Variants in TRIM11 observed in about 807,000 individuals in gnomAD.
TRIM11 encodes tripartite motif containing 11.
TRIM11 carries 15 observed loss-of-function variants against 33.4 expected under a neutral mutation model. That is an observed-to-expected ratio of 0.45 (90% confidence interval 0.30 to 0.69). The LOEUF (loss-of-function observed/expected upper bound fraction) is 0.69. Ranked by LOEUF, TRIM11 falls within the 30% of genes least tolerant of loss-of-function variation. TRIM11 has a pLI of 0.08. For synonymous variants in TRIM11, 281 were observed against 302.6 expected (o/e 0.93, Z 0.74); for missense variants, 499 against 667.6 (o/e 0.75, Z 2.78).
chr1:228,402,785 G>A (rs1656279764), intron 1 of TRIM11: 1 of 152,244 alleles, frequency 6.6e-6, no homozygotes, highest in Non-Finnish European at 1.5e-5. Context: ...ACAGTGAGAG[G>A]GTGTTGTCTG....
rs751090096 is a variant in TRIM11 at position 228,397,147 on chromosome 1, G to A, written c.754C>T (p.Arg252Cys). Residue 252 changes from arginine to cysteine, a missense_variant, in exon 4 of 6, where the codon CGC (arginine) becomes TGC (cysteine). Physicochemically the swap from Arg to Cys is radical, Grantham distance 180 (BLOSUM62 -3). Coordinates refer to ENST00000284551, the MANE Select transcript of TRIM11 (RefSeq NM_145214.3). Reference protein sequence around the residue: ...GLLQDIKDALRRVQDVKLQPP... With the variant: ...GLLQDIKDALCRVQDVKLQPP... ...CAGGAGAGGCTGGGTTCGTACCTGC[G>A]CAGGGCGTCCTTGATGTCCTATGTG... 14 of 1,613,530 alleles carry A rather than the reference G, an allele frequency of 8.7e-6. No individual in the cohort carries two copies. Among genetic ancestry groups the A allele is most frequent in the South Asian group, 3.3e-5 (3 of 91,064 alleles).
chr1:228,399,891 C>CAAAAAAAAA (rs58986540), intron 3 of TRIM11, among the ~76,000 whole-genome samples: 1 of 92,754 alleles, frequency 1.1e-5, no homozygotes, highest in Non-Finnish European at 2.4e-5. Flanking sequence ...AAAAAAAAAA[C>CAAAAAAAAA]AAAAAAAAAA....
At chr1:228,404,937 G>A (rs1344028926) in intron 1 of TRIM11, 3 of 152,160 alleles carry the variant, frequency 2.0e-5, no homozygotes, top group Non-Finnish European at 4.4e-5. Flanking sequence ...TCTTGTGCCA[G>A]TTTAATTTGC....
intron 1 of TRIM11, chr1:228,405,517 C>G (rs1170904994): frequency 6.6e-6 from 1 of 152,220 alleles, no homozygotes; most frequent in African/African-American, 2.4e-5. Context: ...CCCTTCAGCT[C>G]GGGTTTTATT....
chr1:228,401,572 C>T lies in TRIM11; in HGVS notation c.505-378G>A, dbSNP rs1000186223. Among the ~76,000 whole-genome samples, 4 of 152,098 alleles carry T rather than the reference C, an allele frequency of 2.6e-5. No individual in the cohort carries two copies. The highest frequency in any genetic ancestry group is 1.3e-4 in the Admixed American group (2 of 15,280). On this transcript the variant is annotated intron_variant, in intron 2 of 5. Transcript: ENST00000284551. The surrounding 1 kb of genome is among the most constrained non-coding windows in gnomAD (Gnocchi z 6.1). ...GCTTGGTAGAACCCTGCATCTACCA[C>T]CTGGGGCCAGCTGGACTACAAATCT...
chr1:228,396,043 A>G (rs2074984185), intron 5 of TRIM11: 1 of 152,774 alleles, frequency 6.5e-6, no homozygotes, highest in South Asian at 2.1e-4. Context: ...CCTGGCGCAG[A>G]GCTCACAGAA....
At position 228,400,857 on chromosome 1, in the gene TRIM11, C is replaced by T; in HGVS notation, c.735+107G>A. On this transcript the variant is annotated intron_variant, in intron 3 of 5. Coordinates refer to ENST00000284551, the MANE Select transcript of TRIM11 (RefSeq NM_145214.3). The surrounding 1 kb of genome is among the most constrained non-coding windows in gnomAD (Gnocchi z 4.5). The stretch of plus-strand genomic sequence containing the variant: ...CCAGCCATGCCATTCACCTCTCAGC[C>T]CAGACAACCTCTCTGCCCCTGCTTC... 1 of 1,427,008 alleles carries T rather than the reference C, an allele frequency of 7.0e-7. No individual in the cohort carries two copies. Among genetic ancestry groups the T allele is most frequent in the Non-Finnish European group, 9.1e-7 (1 of 1,094,084 alleles). 88.4% of individuals were successfully genotyped at this position (1,427,008 alleles called of 1,614,324 possible). A position where few individuals can be genotyped will look rare whatever the true frequency, so the allele number is the denominator to read the frequency against.
Position 228,403,215 on chromosome 1 carries a change from C to A in TRIM11, c.409-1054G>T. On this transcript the variant is annotated intron_variant, in intron 1 of 5. Coordinates refer to ENST00000284551, the MANE Select transcript of TRIM11 (RefSeq NM_145214.3). The surrounding 1 kb of genome is among the most constrained non-coding windows in gnomAD (Gnocchi z 4.8). ...CTTCCACCCCATCTGACACCCTTAT[C>A]AGCAACGGGCCCTGTGCTGGCCACA... 1 of 152,456 alleles carries A rather than the reference C, an allele frequency of 6.6e-6. No individual in the cohort carries two copies. Among genetic ancestry groups the A allele is most frequent in the Non-Finnish European group, 1.5e-5 (1 of 68,138 alleles). 9.4% of individuals were successfully genotyped at this position (152,456 alleles called of 1,614,324 possible). A position where few individuals can be genotyped will look rare whatever the true frequency, so the allele number is the denominator to read the frequency against.
rs1656402466 is a variant in TRIM11, at chr1:228,406,047, CAG to C, written c.408+105_408+106del. 2 of 1,252,042 alleles carry C rather than the reference CAG, an allele frequency of 1.6e-6. No homozygotes were observed. The highest frequency in any genetic ancestry group is 2.0e-6 in the Non-Finnish European group (2 of 977,542). 77.6% of individuals were successfully genotyped at this position (1,252,042 alleles called of 1,614,324 possible). A position where few individuals can be genotyped will look rare whatever the true frequency, so the allele number is the denominator to read the frequency against. On this transcript the variant is annotated intron_variant, in intron 1 of 5. Coordinates refer to ENST00000284551, the MANE Select transcript of TRIM11 (RefSeq NM_145214.3). The surrounding 1 kb of genome is among the most constrained non-coding windows in gnomAD (Gnocchi z 8.2). ...TGCATCCTGAGCTCCCCGCCCTAGA[CAG>C]AGACAGATTACTCCCGGAGCAGTCC...
chr1:228,400,850 T>C lies in TRIM11; in HGVS notation c.735+114A>G. 2.1e-6 allele frequency: 3 copies of C among 1,424,076 alleles called. No homozygotes were observed. The highest frequency in any genetic ancestry group is 2.7e-6 in the Non-Finnish European group (3 of 1,092,440). The allele number at this position is 1,424,076 out of a possible 1,614,324, so 88.2% of individuals were successfully genotyped here. The stretch of plus-strand genomic sequence containing the variant: ...GGCACATCCAGCCATGCCATTCACC[T>C]CTCAGCCCAGACAACCTCTCTGCCC... On this transcript the variant is annotated intron_variant, in intron 3 of 5. Coordinates refer to ENST00000284551, the MANE Select transcript of TRIM11 (RefSeq NM_145214.3). This position sits in a 1 kb window ranked among gnomAD's most constrained non-coding sequence, Gnocchi z 4.5.
intron 5 of TRIM11, chr1:228,396,209 G>A (rs893181630): frequency 5.9e-6 from 1 of 168,386 alleles, no homozygotes; most frequent in African/African-American, 2.4e-5. Context: ...TCAGTAGAGG[G>A]CGGGAACACT....
intron 5 of TRIM11, chr1:228,396,688 C>A (rs1289149172): frequency 2.8e-6 from 2 of 717,604 alleles, no homozygotes; most frequent in Admixed American, 2.0e-5. Context: ...AGTGTCAGCA[C>A]TGGCAATTCT....
chr1:228,404,763 T>C (rs1446573280), intron 1 of TRIM11: 1 of 152,248 alleles, frequency 6.6e-6, no homozygotes, highest in Non-Finnish European at 1.5e-5. Flanking sequence ...TCCTAGTCAC[T>C]TTCCCACAAT....
chr1:228,394,319 CA>C lies in TRIM11; in HGVS notation c.*385del, dbSNP rs1256323463. 1 of 200,462 alleles carries C rather than the reference CA, an allele frequency of 5.0e-6. No homozygotes were observed. Among genetic ancestry groups the C allele is most frequent in the African/African-American group, 2.3e-5 (1 of 43,362 alleles). 12.4% of individuals were successfully genotyped at this position (200,462 alleles called of 1,614,324 possible). ...TCAGAGGTGGGGTACACAAGACTTT[CA>C]GGGGGCTGGCAAAGCTGCAGGAACT... On this transcript the variant is annotated 3_prime_UTR_variant, in exon 6 of 6. Transcript: ENST00000284551. The surrounding 1 kb of genome is among the most constrained non-coding windows in gnomAD (Gnocchi z 6.2).
intron 3 of TRIM11, chr1:228,397,591 A>C (rs1275160977): frequency 5.4e-6 from 1 of 185,154 alleles, no homozygotes; most frequent in Non-Finnish European, 1.1e-5. Context: ...TTCCTCTCCC[A>C]GCTCCACCTG....
intron 5 of TRIM11, 120 bp downstream of exon 5, chr1:228,396,827 A>C (rs750616303): frequency 1.1e-6 from 1 of 924,066 alleles, no homozygotes; most frequent in Non-Finnish European, 1.8e-6. Flanking sequence ...ACAACCCACC[A>C]CCATGACACT....
rs1307376205 is a variant in TRIM11 at position 228,401,313 on chromosome 1, C to G, written c.505-119G>C. ...GCTGCACCCAACCCCACCCCCGGGGCCTGCTAAAGCCAAAGCACAGCACCA... is the reference window on the plus strand; with the variant it reads ...GCTGCACCCAACCCCACCCCCGGGGGCTGCTAAAGCCAAAGCACAGCACCA... On this transcript the variant is annotated intron_variant, in intron 2 of 5. Transcript: ENST00000284551. The surrounding 1 kb of genome is among the most constrained non-coding windows in gnomAD (Gnocchi z 6.1). 8.0e-7 allele frequency: 1 copy of G among 1,253,628 alleles called. No homozygotes were observed. 77.7% of individuals were successfully genotyped at this position (1,253,628 alleles called of 1,614,324 possible).
Position 228,400,849 on chromosome 1 carries a change from C to T in TRIM11, c.735+115G>A. 2 of 1,422,406 alleles carry T rather than the reference C, an allele frequency of 1.4e-6. No homozygotes were observed. The highest frequency in any genetic ancestry group is 1.8e-6 in the Non-Finnish European group (2 of 1,091,528). 88.1% of individuals were successfully genotyped at this position (1,422,406 alleles called of 1,614,324 possible). On this transcript the variant is annotated intron_variant, in intron 3 of 5. Coordinates refer to ENST00000284551, the MANE Select transcript of TRIM11 (RefSeq NM_145214.3). This position sits in a 1 kb window ranked among gnomAD's most constrained non-coding sequence, Gnocchi z 4.5. ...AGGCACATCCAGCCATGCCATTCAC[C>T]TCTCAGCCCAGACAACCTCTCTGCC...
rs981299696 is a variant in TRIM11, at chr1:228,406,797, G to C, written c.-236C>G. On this transcript the variant is annotated 5_prime_UTR_variant, in exon 1 of 6. Coordinates refer to ENST00000284551, the MANE Select transcript of TRIM11 (RefSeq NM_145214.3). This position sits in a 1 kb window ranked among gnomAD's most constrained non-coding sequence, Gnocchi z 8.2. ...TCCGAGCGCTCGGGGGACGCGGGAC[G>C]TAGGGATCCCGGATGCCGGCAGGAA... 5 of 324,124 alleles carry C rather than the reference G, an allele frequency of 1.5e-5. No individual in the cohort carries two copies. The highest frequency in any genetic ancestry group is 2.8e-5 in the Non-Finnish European group (5 of 180,180). 20.1% of individuals were successfully genotyped at this position (324,124 alleles called of 1,614,324 possible). A position where few individuals can be genotyped will look rare whatever the true frequency, so the allele number is the denominator to read the frequency against.
Sources: allele counts gnomAD v4.1 joint callset (sites outside exome capture counted in the v4.1 genomes callset), GRCh38; gene constraint gnomAD v4.1.1; non-coding constraint Gnocchi (gnomAD v3.1); transcripts MANE v1.5; gene names NCBI Gene and HGNC (gene_info 2026-07-23, HGNC 2026-07-21).